RSRC1: variants seen among roughly 807,000 people sequenced by gnomAD.
The protein encoded by RSRC1 is arginine and serine rich coiled-coil 1.
In RSRC1, 39 loss-of-function variants were observed where a neutral mutation model predicts 49.1. That is an observed-to-expected ratio of 0.79 (90% confidence interval 0.61 to 1.04). RSRC1 has a LOEUF of 1.04. RSRC1 is among the 50% of genes least tolerant of loss of function. RSRC1 has a pLI of 0.00. For missense variants in RSRC1, 388 were observed against 402.4 expected (o/e 0.96, Z 0.31); for synonymous variants, 143 against 130.8 (o/e 1.09, Z -0.63).
intron 3 of RSRC1, among the ~76,000 whole-genome samples, chr3:158,150,009 T>G (rs1182584245): frequency 6.6e-6 from 1 of 152,252 alleles, no homozygotes; most frequent in African/African-American, 2.4e-5. Context: ...ACATCTCTGT[T>G]AACATTTTAT....
At chr3:158,341,986 C>CATGG (rs1730272423) in intron 5 of RSRC1, among the ~76,000 whole-genome samples, 1 of 152,182 alleles carries the variant, frequency 6.6e-6, no homozygotes, top group Non-Finnish European at 1.5e-5. Flanking sequence ...GGCCCTGTAA[C>CATGG]CCCTTTCTTT....
chr3:158,376,443 T>G (rs915468169), intron 6 of RSRC1, among the ~76,000 whole-genome samples: 22 of 151,996 alleles, frequency 1.4e-4, no homozygotes, highest in Non-Finnish European at 1.8e-4. Flanking sequence ...ATTACAGGTG[T>G]GAGCTACCAT....
chr3:158,118,462 T>TGTGTGTGTGTGTGTGTGTGCGCGC (rs1491469875), intron 1 of RSRC1, among the ~76,000 whole-genome samples: 1 of 124,682 alleles, frequency 8.0e-6, no homozygotes, highest in African/African-American at 3.3e-5. Context: ...TGTGTGTGTG[T>TGTGTGTGTGTGTGTGTGTGCGCGC]GCGCGTGCGC....
chr3:158,213,528 A>G (rs1721797638), intron 4 of RSRC1, among the ~76,000 whole-genome samples: 2 of 151,954 alleles, frequency 1.3e-5, no homozygotes, highest in Admixed American at 1.3e-4. Flanking sequence ...TTTTAATGCT[A>G]TTACATATGT....
intron 7 of RSRC1, among the ~76,000 whole-genome samples, chr3:158,487,051 T>C (rs1458441283): frequency 6.6e-6 from 1 of 152,126 alleles, no homozygotes; most frequent in Non-Finnish European, 1.5e-5. Flanking sequence ...ACACCTTATA[T>C]TTTTCCTAAT....
chr3:158,177,633 G>A (rs1349152286), intron 3 of RSRC1, among the ~76,000 whole-genome samples: 1 of 151,936 alleles, frequency 6.6e-6, no homozygotes, highest in Non-Finnish European at 1.5e-5. Flanking sequence ...TCACACACCA[G>A]GGCCTGTCAG....
At chr3:158,431,397 T>A (rs1735765848) in intron 6 of RSRC1, among the ~76,000 whole-genome samples, 1 of 151,912 alleles carries the variant, frequency 6.6e-6, no homozygotes, top group Admixed American at 6.6e-5. Flanking sequence ...AGATTTTCTT[T>A]TTTTGAAAAA....
intron 6 of RSRC1, among the ~76,000 whole-genome samples, chr3:158,398,668 C>A (rs896279121): frequency 2.6e-5 from 4 of 152,122 alleles, no homozygotes; most frequent in Non-Finnish European, 4.4e-5. Context: ...TAAATTTGCA[C>A]CATCTCAGAA....
At chr3:158,155,599 T>C (rs1371115962) in intron 3 of RSRC1, among the ~76,000 whole-genome samples, 1 of 12,878 alleles carries the variant, frequency 7.8e-5, no homozygotes, top group African/African-American at 1.3e-3. Flanking sequence ...GCCTAGCTAC[T>C]TTTTTTTTTT....
chr3:158,321,661 T>C (rs567052715), intron 5 of RSRC1, among the ~76,000 whole-genome samples: 53 of 151,940 alleles, frequency 3.5e-4, no homozygotes, highest in African/African-American at 9.9e-4. Flanking sequence ...GGTATTTGCC[T>C]TTAAAAGTAA....
chr3:158,498,113 G>A (rs1739432524), intron 7 of RSRC1, among the ~76,000 whole-genome samples: 1 of 152,114 alleles, frequency 6.6e-6, no homozygotes. Flanking sequence ...GGATCAAATG[G>A]TAGTTCTACC....
intron 3 of RSRC1, among the ~76,000 whole-genome samples, chr3:158,129,313 A>G (rs1715844828): frequency 1.6e-5 from 1 of 63,826 alleles, no homozygotes; most frequent in Non-Finnish European, 2.7e-5. Context: ...TTTTTTTTTG[A>G]GACTGAGTCT....
chr3:158,146,732 G>A (rs1717150848), intron 3 of RSRC1, among the ~76,000 whole-genome samples: 1 of 152,142 alleles, frequency 6.6e-6, no homozygotes, highest in African/African-American at 2.4e-5. Flanking sequence ...ACCTCTGGTA[G>A]AATTCAGCTG....
At chr3:158,297,564 T>A (rs370054874) in intron 4 of RSRC1, among the ~76,000 whole-genome samples, 2 of 152,016 alleles carry the variant, frequency 1.3e-5, no homozygotes, top group East Asian at 3.8e-4. Context: ...GTATTCTTTA[T>A]GTGTACATTC....
chr3:158,151,251 A>T (rs753819173), intron 3 of RSRC1, among the ~76,000 whole-genome samples: 8 of 152,164 alleles, frequency 5.3e-5, no homozygotes, highest in Non-Finnish European at 1.0e-4. Context: ...GCTGGGCTTG[A>T]TGAGGAAGTG....
intron 6 of RSRC1, among the ~76,000 whole-genome samples, chr3:158,387,907 C>G (rs1248958940): frequency 6.6e-6 from 1 of 152,062 alleles, no homozygotes; most frequent in East Asian, 1.9e-4. Flanking sequence ...CAGTGACAAA[C>G]GCACACATGC....
intron 3 of RSRC1, chr3:158,132,285 TC>T (rs1385231652): frequency 5.7e-6 from 1 of 175,078 alleles, no homozygotes; most frequent in Non-Finnish European, 1.3e-5. Flanking sequence ...CCTACCCAGA[TC>T]ATTTAAATTA....
chr3:158,503,154 C>G (rs1030989137), intron 7 of RSRC1, among the ~76,000 whole-genome samples: 1 of 152,182 alleles, frequency 6.6e-6, no homozygotes, highest in African/African-American at 2.4e-5. Flanking sequence ...ATTGTTGTCT[C>G]TCTTCTGGGT....
chr3:158,298,653 AAATTGGAAAACCCTTAC>A, intron 5 of RSRC1, among the ~76,000 whole-genome samples: 1 of 152,140 alleles, frequency 6.6e-6, no homozygotes, highest in Non-Finnish European at 1.5e-5. Flanking sequence ...ATTGATCAAA[AAATTGGAAAACCCTTAC>A]AATTGTAATA....
Sources: allele counts gnomAD v4.1 joint callset (sites outside exome capture counted in the v4.1 genomes callset), GRCh38; gene constraint gnomAD v4.1.1; transcripts MANE v1.5; gene names NCBI Gene and HGNC (gene_info 2026-07-23, HGNC 2026-07-21).